Variants in TLN2 observed in about 807,000 individuals in gnomAD.
The protein encoded by TLN2 is talin-2.
In TLN2, 118 loss-of-function variants were observed where a neutral mutation model predicts 294.7. The observed-to-expected ratio is 0.40, with a 90% CI of 0.34 to 0.47. TLN2 has a LOEUF of 0.47. TLN2 is among the 20% of genes least tolerant of loss of function. TLN2 has a pLI of 0.84. For missense variants in TLN2, 3,083 were observed against 3,282.2 expected (o/e 0.94, Z 1.48); for synonymous variants, 1,431 against 1,304.5 (o/e 1.10, Z -2.09).
At chr15:62,397,974 A>G (rs763844674) in intron 1 of TLN2, among the ~76,000 whole-genome samples, 1 of 152,126 alleles carries the variant, frequency 6.6e-6, no homozygotes, top group Non-Finnish European at 1.5e-5. Flanking sequence ...GATGAGTTCT[A>G]TGGAGAACCA....
At chr15:62,644,161 G>A (rs1052678576) in intron 3 of TLN2, among the ~76,000 whole-genome samples, 27 of 32,108 alleles carry the variant, frequency 8.4e-4, no homozygotes, top group African/African-American at 2.6e-3. Flanking sequence ...GCCACCCACC[G>A]CCCCGCCCCC....
intron 36 of TLN2, chr15:62,755,261 GATTAC>G (rs2062171395): frequency 2.8e-6 from 1 of 358,868 alleles, no homozygotes; most frequent in Admixed American, 4.4e-5. Flanking sequence ...AAGGCTAACT[GATTAC>G]ATCTCCTTTA....
At chr15:62,766,230 C>A in intron 40 of TLN2, 91 bp from the exon 41 acceptor site, 1 of 1,096,974 alleles carries the variant, frequency 9.1e-7, no homozygotes, top group Non-Finnish European at 1.3e-6. Flanking sequence ...CTTTGTGTGG[C>A]CTCTGTCATT....
At chr15:62,446,494 G>A (rs1039025992) in intron 1 of TLN2, among the ~76,000 whole-genome samples, 14 of 152,148 alleles carry the variant, frequency 9.2e-5, no homozygotes, top group Admixed American at 8.5e-4. Context: ...GTCTAGAAGA[G>A]TGCTTACTTA....
At chr15:62,551,696 C>T (rs1471923019) in intron 1 of TLN2, among the ~76,000 whole-genome samples, 3 of 152,136 alleles carry the variant, frequency 2.0e-5, no homozygotes, top group Non-Finnish European at 2.9e-5. Flanking sequence ...GAGACTCTGT[C>T]TCAAAAACAA....
At chr15:62,700,101 A>C (rs748902277) in intron 16 of TLN2, among the ~76,000 whole-genome samples, 81 of 152,356 alleles carry the variant, frequency 5.3e-4, no homozygotes, top group Non-Finnish European at 9.4e-4. Context: ...CCAGGTACCC[A>C]AAAACAATAA....
intron 31 of TLN2, 77 bp downstream of exon 31, chr15:62,739,622 G>C: frequency 6.6e-7 from 1 of 1,522,106 alleles, no homozygotes; most frequent in South Asian, 1.2e-5. Flanking sequence ...GAGACTGACT[G>C]AACAAATAGG....
chr15:62,502,722 A>G (rs1039084272), intron 1 of TLN2, among the ~76,000 whole-genome samples: 2 of 152,150 alleles, frequency 1.3e-5, no homozygotes, highest in African/African-American at 2.4e-5. Context: ...GGATTTGGAG[A>G]TGGAATTTGA....
intron 3 of TLN2, among the ~76,000 whole-genome samples, chr15:62,632,081 G>A (rs936103975): frequency 7.2e-5 from 11 of 152,142 alleles, no homozygotes; most frequent in African/African-American, 1.7e-4. Context: ...TGCTCCCCCC[G>A]AATCTTTCAT....
At chr15:62,728,597 T>A (rs1475329587) in intron 28 of TLN2, among the ~76,000 whole-genome samples, 1 of 152,194 alleles carries the variant, frequency 6.6e-6, no homozygotes, top group East Asian at 1.9e-4. Context: ...TTTAGCCCTT[T>A]TGGTTTGTGT....
chr15:62,735,424 A>G (rs773888216), intron 28 of TLN2, among the ~76,000 whole-genome samples: 4 of 152,236 alleles, frequency 2.6e-5, no homozygotes, highest in Non-Finnish European at 4.4e-5. Flanking sequence ...GCAAATTTAA[A>G]GAGAAGGAGG....
At chr15:62,691,920 C>T (rs80035204) in intron 12 of TLN2, among the ~76,000 whole-genome samples, 113 of 152,274 alleles carry the variant, frequency 7.4e-4, no homozygotes, top group Admixed American at 1.2e-3. Context: ...GTGATCCTCT[C>T]GCCTCAACCT....
chr15:62,403,855 T>C (rs755134555), intron 1 of TLN2, among the ~76,000 whole-genome samples: 2 of 152,220 alleles, frequency 1.3e-5, no homozygotes, highest in East Asian at 3.8e-4. Flanking sequence ...GCTTCTTCCT[T>C]ATTTTTCTAT....
chr15:62,433,762 G>T (rs1210234747), intron 1 of TLN2, among the ~76,000 whole-genome samples: 1 of 152,036 alleles, frequency 6.6e-6, no homozygotes, highest in African/African-American at 2.4e-5. Flanking sequence ...TTCCCTTCTT[G>T]TGGATCACTT....
chr15:62,404,054 G>A (rs1301440159), intron 1 of TLN2, among the ~76,000 whole-genome samples: 2 of 152,186 alleles, frequency 1.3e-5, no homozygotes, highest in East Asian at 3.9e-4. Context: ...GCTGGTTAGA[G>A]GTTAGCCTTG....
At chr15:62,526,237 C>A (rs2040733543) in intron 1 of TLN2, among the ~76,000 whole-genome samples, 1 of 152,158 alleles carries the variant, frequency 6.6e-6, no homozygotes, top group African/African-American at 2.4e-5. Flanking sequence ...TCAAGCGATT[C>A]TCCTGCCTCA....
chr15:62,427,913 C>T (rs934824346), intron 1 of TLN2, among the ~76,000 whole-genome samples: 1 of 152,104 alleles, frequency 6.6e-6, no homozygotes, highest in Non-Finnish European at 1.5e-5. Flanking sequence ...GTGTCAGATA[C>T]GTGGAAGTCA....
At chr15:62,470,841 A>C (rs1452977598) in intron 1 of TLN2, among the ~76,000 whole-genome samples, 1 of 152,252 alleles carries the variant, frequency 6.6e-6, no homozygotes. Flanking sequence ...AGAACATATC[A>C]AGACAAAAAG....
intron 1 of TLN2, among the ~76,000 whole-genome samples, chr15:62,528,068 T>C (rs1485190081): frequency 6.6e-6 from 1 of 152,222 alleles, no homozygotes; most frequent in African/African-American, 2.4e-5. Context: ...AATAGATGGA[T>C]ATGTGCATAT....
Sources: gnomAD v4.1 joint callset for allele counts (sites outside exome capture counted in the v4.1 genomes callset) on GRCh38, gnomAD v4.1.1 for gene constraint, MANE v1.5 for transcripts, NCBI Gene and HGNC (gene_info 2026-07-23, HGNC 2026-07-21) for gene names.